RASA3: variants seen among roughly 807,000 people sequenced by gnomAD.
The protein encoded by RASA3 is RAS p21 protein activator 3, also known as ras GTPase-activating protein 3.
A neutral mutation model predicts 110.0 loss-of-function variants in RASA3; 73 were observed. The observed-to-expected ratio is 0.66, with a 90% confidence interval of 0.55 to 0.81. The LOEUF (loss-of-function observed/expected upper bound fraction) is 0.81, where lower values mean the gene tolerates loss of function less well. Ranked by LOEUF, RASA3 falls within the 30% of genes least tolerant of loss-of-function variation. The pLI, the probability that RASA3 is intolerant of heterozygous loss-of-function variation, is 0.00. For missense variants in RASA3, 976 were observed against 1,113.2 expected (o/e 0.88, Z 1.75); for synonymous variants, 500 against 451.4 (o/e 1.11, Z -1.37).
intron 23 of RASA3, among the ~76,000 whole-genome samples, chr13:113,980,168 CGT>C (rs1265076504): frequency 2.1e-4 from 28 of 133,872 alleles, no homozygotes; most frequent in Middle Eastern, 5.4e-3. Context: ...CCTCCTCCCA[CGT>C]GTGTGCACCT....
At chr13:113,979,503 T>G (rs1296648775) in intron 23 of RASA3, 81 bp from the exon 24 acceptor site, 19 of 1,136,762 alleles carry the variant, frequency 1.7e-5, no homozygotes, top group Non-Finnish European at 2.5e-5. Context: ...GCTTTTCCTG[T>G]TCCTAAATGT....
At chr13:114,117,374 TGA>T (rs1185414242) in intron 1 of RASA3, among the ~76,000 whole-genome samples, 1 of 137,088 alleles carries the variant, frequency 7.3e-6, no homozygotes, top group Admixed American at 7.1e-5. Flanking sequence ...TGCACGTGTG[TGA>T]GGGGAGCACG....
At chr13:114,072,952 G>A (rs189815722) in intron 2 of RASA3, among the ~76,000 whole-genome samples, 5 of 137,082 alleles carry the variant, frequency 3.6e-5, no homozygotes, top group Admixed American at 6.9e-5. Context: ...GGGAAAATGG[G>A]ACGGTGATAT....
chr13:114,049,164 G>A (rs1336873353), intron 3 of RASA3, among the ~76,000 whole-genome samples: 1 of 152,120 alleles, frequency 6.6e-6, no homozygotes, highest in Admixed American at 6.5e-5. Context: ...GGTTTCCTCA[G>A]GGCGTGGGCG....
intron 1 of RASA3, among the ~76,000 whole-genome samples, chr13:114,125,932 G>A (rs1434786632): frequency 3.2e-5 from 4 of 123,948 alleles, no homozygotes; most frequent in South Asian, 6.2e-4. Flanking sequence ...CAGAGGTACC[G>A]GCACCTGCTG....
intron 2 of RASA3, among the ~76,000 whole-genome samples, chr13:114,058,354 C>T (rs1006162385): frequency 5.3e-5 from 8 of 152,214 alleles, no homozygotes; most frequent in East Asian, 1.9e-4. Context: ...TCACCACTCA[C>T]GTTGTCTGCA....
chr13:114,076,749 G>A (rs1231234512), intron 1 of RASA3, among the ~76,000 whole-genome samples: 2 of 151,710 alleles, frequency 1.3e-5, no homozygotes, highest in Non-Finnish European at 2.9e-5. Context: ...TGAATTTGAG[G>A]GCAGCCGCAG....
At chr13:114,017,405 A>G in intron 11 of RASA3, 54 bp from the exon 12 acceptor site, 2 of 1,455,334 alleles carry the variant, frequency 1.4e-6, no homozygotes, top group Non-Finnish European at 1.9e-6. Flanking sequence ...GGAAGTGCAG[A>G]CGGAGCAGAG....
chr13:114,117,871 G>A (rs1166606624), intron 1 of RASA3, among the ~76,000 whole-genome samples: 2 of 149,662 alleles, frequency 1.3e-5, no homozygotes, highest in East Asian at 2.0e-4. Flanking sequence ...ATCTGTGGGT[G>A]AGCACGTGTG....
chr13:114,125,044 C>T (rs1339764528), intron 1 of RASA3, among the ~76,000 whole-genome samples: 2 of 152,176 alleles, frequency 1.3e-5, no homozygotes, highest in African/African-American at 4.8e-5. Flanking sequence ...GATCTGCGCA[C>T]ACTCATCTGA....
chr13:114,095,416 C>A (rs2079929753), intron 1 of RASA3, among the ~76,000 whole-genome samples: 1 of 152,170 alleles, frequency 6.6e-6, no homozygotes, highest in African/African-American at 2.4e-5. Context: ...CCTACAGTCC[C>A]TGGCATCCAT....
At chr13:114,061,497 C>T (rs528169873) in intron 2 of RASA3, among the ~76,000 whole-genome samples, 256 of 148,106 alleles carry the variant, frequency 1.7e-3, no homozygotes, top group African/African-American at 6.4e-3. Flanking sequence ...GGTGAAACGC[C>T]GTCTCTACTA....
rs1191378735 is a variant in RASA3 at position 114,048,293 on chromosome 13, C to T, written c.277+3759G>A. ...TCGCGCCACTGCCCTCCAGCCTGGG[C>T]GACAGAAAGAGACTCCGTCTCAAAA... On this transcript the variant is annotated intron_variant, in intron 3 of 23. Transcript: ENST00000334062. The surrounding 1 kb of genome is among the most constrained non-coding windows in gnomAD (Gnocchi z 4.3). Among the ~76,000 whole-genome samples, 3 of 146,164 alleles carry T rather than the reference C, an allele frequency of 2.1e-5. No homozygotes were observed. The highest frequency in any genetic ancestry group is 3.0e-5 in the Non-Finnish European group (2 of 67,012).
At position 114,031,654 on chromosome 13, in the gene RASA3, T is replaced by C. The variant is rs1830434524; in HGVS notation, c.373-1767A>G. Among the ~76,000 whole-genome samples, 2 of 152,154 alleles carry C rather than the reference T, an allele frequency of 1.3e-5. 1 individual carries two copies. Among genetic ancestry groups the C allele is most frequent in the Non-Finnish European group, 2.9e-5 (2 of 68,036 alleles). ...CCACCTGTGTGTGTGTGCGGCTATG[T>C]GTGCCTACCTGTGTGTGCCGCTGTC... On this transcript the variant is annotated intron_variant, in intron 4 of 23. Transcript: ENST00000334062.
At chr13:113,998,250 T>C (rs567904277) in intron 20 of RASA3, among the ~76,000 whole-genome samples, 90 of 152,198 alleles carry the variant, frequency 5.9e-4, no homozygotes, top group African/African-American at 2.1e-3. Context: ...CACCCTCCTC[T>C]TCCCATCTCC....
Position 114,057,589 on chromosome 13 carries a change from A to G in RASA3, c.174-5434T>C. On this transcript the variant is annotated intron_variant, in intron 2 of 23. Transcript: ENST00000334062. The surrounding 1 kb of genome is among the most constrained non-coding windows in gnomAD (Gnocchi z 5.0). ...CCACAGGAAGGAAACCTCTCCCCAC[A>G]ATGACTGTGCACAGAGCCAGCCTGA... 1.1e-6 allele frequency: 1 copy of G among 880,850 alleles called. No individual in the cohort carries two copies. 54.6% of individuals were successfully genotyped at this position (880,850 alleles called of 1,614,324 possible).
In RASA3 at chr13:114,057,499, C is replaced by T. The variant is rs1172813255; in HGVS notation, c.174-5344G>A. ...TCTGTGCCAGAATAGAGGGTTCGTT[C>T]AGCTTCTTAGACCGATGATTTATTT... On this transcript the variant is annotated intron_variant, in intron 2 of 23. Coordinates refer to ENST00000334062, the MANE Select transcript of RASA3 (RefSeq NM_007368.4). This position sits in a 1 kb window ranked among gnomAD's most constrained non-coding sequence, Gnocchi z 5.0. 1 of 985,282 alleles carries T rather than the reference C, an allele frequency of 1.0e-6. No individual in the cohort carries two copies. Among genetic ancestry groups the T allele is most frequent in the African/African-American group, 1.7e-5 (1 of 57,226 alleles). The allele number at this position is 985,282 out of a possible 1,614,324, so 61.0% of individuals were successfully genotyped here.
At chr13:114,039,227 C>A (rs1408745451) in intron 4 of RASA3, among the ~76,000 whole-genome samples, 1 of 152,094 alleles carries the variant, frequency 6.6e-6, no homozygotes, top group Non-Finnish European at 1.5e-5. Flanking sequence ...CATACTCAGA[C>A]ACTCACCCTC....
At chr13:114,079,525 A>G (rs533298757) in intron 1 of RASA3, among the ~76,000 whole-genome samples, 2 of 152,322 alleles carry the variant, frequency 1.3e-5, no homozygotes, top group South Asian at 2.1e-4. Flanking sequence ...ATTTACCGGA[A>G]CAATAGTCTT....
Sources: allele counts gnomAD v4.1 joint callset (sites outside exome capture counted in the v4.1 genomes callset), GRCh38; gene constraint gnomAD v4.1.1; non-coding constraint Gnocchi (gnomAD v3.1); transcripts MANE v1.5; gene names NCBI Gene and HGNC (gene_info 2026-07-23, HGNC 2026-07-21).